The following SIK2 variants were observed in gnomAD, a reference collection of about 807,000 sequenced individuals.
The protein encoded by SIK2 is salt inducible kinase 2.
Under a neutral mutation model 103.2 loss-of-function variants are expected in SIK2, and 29 were observed. The observed-to-expected ratio is 0.28, with a 90% CI of 0.21 to 0.38. SIK2 has a LOEUF of 0.38. SIK2 is among the 10% of genes least tolerant of loss of function. SIK2 has a pLI of 1.00. For synonymous variants in SIK2, 412 were observed against 446.1 expected (o/e 0.92, Z 0.96); for missense variants, 879 against 1,171.0 (o/e 0.75, Z 3.64).
intron 3 of SIK2, among the ~76,000 whole-genome samples, chr11:111,621,499 A>G (rs1941885518): frequency 1.3e-5 from 2 of 149,830 alleles, no homozygotes; most frequent in South Asian, 2.1e-4. Context: ...TCATTCATCT[A>G]TCTATTGATA....
Position 111,720,999 on chromosome 11 carries a change from G to A in SIK2, c.1881G>A (p.Glu627=), listed in dbSNP as rs1943783338. The part of the protein sequence containing the change: ...VQLLYEQIGP[E]ADPNLAPAAP... ...TGTTGTATGAACAAATAGGACCGGAGGCAGACCCTAACCTGGCGCCGGCGG... is the reference window on the plus strand; with the variant it reads ...TGTTGTATGAACAAATAGGACCGGAAGCAGACCCTAACCTGGCGCCGGCGG... The change falls in exon 12 of 15, where the codon GAG becomes GAA. Residue 627 remains glutamate (E), a synonymous_variant. Transcript: ENST00000304987. 2 of 1,614,080 alleles carry A rather than the reference G, an allele frequency of 1.2e-6. No individual in the cohort carries two copies. Among genetic ancestry groups the A allele is most frequent in the Non-Finnish European group, 1.7e-6 (2 of 1,180,036 alleles).
In SIK2 at chr11:111,612,948, T is replaced by A. The variant is rs10522123; in HGVS notation, c.136-3295T>A. On this transcript the variant is annotated intron_variant, in intron 1 of 14. Coordinates refer to ENST00000304987, the MANE Select transcript of SIK2 (RefSeq NM_015191.3). Reference sequence around the variant, plus strand: ...TATATATATATATATATATATATATTTATGATCATAGGATCATAGATGGAT... The same window carrying A: ...TATATATATATATATATATATATATATATGATCATAGGATCATAGATGGAT... Among the ~76,000 whole-genome samples the A allele has an allele frequency of 9.6e-3, 904 of 94,334 alleles. 12 individuals are homozygous for A. The highest frequency in any genetic ancestry group is 0.031 in the African/African-American group (649 of 20,604). The allele number at this position is 94,334 out of a possible 152,430, so 61.9% of individuals were successfully genotyped here. A position where few individuals can be genotyped will look rare whatever the true frequency, so the allele number is the denominator to read the frequency against.
At chr11:111,717,204 T>C (rs897780491) in intron 9 of SIK2, among the ~76,000 whole-genome samples, 5 of 150,824 alleles carry the variant, frequency 3.3e-5, no homozygotes, top group Admixed American at 3.3e-4. Context: ...TAGTCCCAGC[T>C]ACTCGGGAGG....
At chr11:111,697,090 G>A (rs1019114130) in intron 4 of SIK2, among the ~76,000 whole-genome samples, 2 of 152,174 alleles carry the variant, frequency 1.3e-5, no homozygotes, top group Admixed American at 1.3e-4. Context: ...CATAAAGGTG[G>A]TGGTTAACAA....
At chr11:111,626,547 A>C (rs2082612726) in intron 3 of SIK2, among the ~76,000 whole-genome samples, 1 of 152,022 alleles carries the variant, frequency 6.6e-6, no homozygotes, top group South Asian at 2.1e-4. Context: ...AACCACTGTT[A>C]ATGCCTCAGG....
Position 111,724,732 on chromosome 11 carries a change from T to TAAC in SIK2, c.*605_*607dup, listed in dbSNP as rs1047391053. On this transcript the variant is annotated 3_prime_UTR_variant, in exon 15 of 15. Coordinates refer to ENST00000304987, the MANE Select transcript of SIK2 (RefSeq NM_015191.3). Reference sequence around the variant, plus strand: ...GAGCTGTGTTTCAGGGGCCACTAAATAACAGCTGGTACTGACCCCAGAAAC... The same window carrying TAAC: ...GAGCTGTGTTTCAGGGGCCACTAAATAACAACAGCTGGTACTGACCCCAGAAAC... The TAAC allele has an allele frequency of 9.8e-5, 15 of 153,788 alleles. No homozygotes were observed. The highest frequency in any genetic ancestry group is 2.6e-4 in the Admixed American group (4 of 15,552). The allele number at this position is 153,788 out of a possible 1,614,324, so 9.5% of individuals were successfully genotyped here. A position where few individuals can be genotyped will look rare whatever the true frequency, so the allele number is the denominator to read the frequency against.
intron 3 of SIK2, chr11:111,672,187 A>G (rs1942636616): frequency 4.9e-6 from 2 of 408,618 alleles, no homozygotes; most frequent in South Asian, 2.2e-5. Context: ...GTTTACCATA[A>G]TGGCTGTGAT....
At chr11:111,697,309 A>G (rs1462720563) in intron 4 of SIK2, among the ~76,000 whole-genome samples, 1 of 152,238 alleles carries the variant, frequency 6.6e-6, no homozygotes, top group Non-Finnish European at 1.5e-5. Context: ...GGAACAACAT[A>G]TTCATCTAGC....
intron 3 of SIK2, among the ~76,000 whole-genome samples, chr11:111,649,627 A>G (rs1942302616): frequency 6.6e-6 from 1 of 152,134 alleles, no homozygotes; most frequent in Non-Finnish European, 1.5e-5. Flanking sequence ...ATGAACATTC[A>G]TTCATTTGTT....
chr11:111,656,375 A>G (rs1942392232), intron 3 of SIK2, among the ~76,000 whole-genome samples: 1 of 152,180 alleles, frequency 6.6e-6, no homozygotes, highest in African/African-American at 2.4e-5. Flanking sequence ...TCAATTTACC[A>G]AGAAGGTTCA....
In SIK2 at chr11:111,602,481, G is replaced by C; in HGVS notation, c.-83G>C. ...GAAGGAGCGAAGGAGCAAGCGGAGC[G>C]GCCGTCGCCCAAGCCAAGCCGCGCT... On this transcript the variant is annotated 5_prime_UTR_variant, in exon 1 of 15. Coordinates refer to ENST00000304987, the MANE Select transcript of SIK2 (RefSeq NM_015191.3). This position sits in a 1 kb window ranked among gnomAD's most constrained non-coding sequence, Gnocchi z 4.5. 5.9e-6 allele frequency: 8 copies of C among 1,347,700 alleles called. No homozygotes were observed. Among genetic ancestry groups the C allele is most frequent in the Non-Finnish European group, 7.7e-6 (8 of 1,042,398 alleles). The allele number at this position is 1,347,700 out of a possible 1,614,324, so 83.5% of individuals were successfully genotyped here. A position where few individuals can be genotyped will look rare whatever the true frequency, so the allele number is the denominator to read the frequency against.
intron 1 of SIK2, 90 bp from the exon 2 acceptor site, chr11:111,616,153 G>T: frequency 1.3e-6 from 1 of 789,024 alleles, no homozygotes. Context: ...ACCTACAGGT[G>T]AAGTCTCATG....
At chr11:111,609,688 A>G (rs1941694353) in intron 1 of SIK2, among the ~76,000 whole-genome samples, 1 of 152,190 alleles carries the variant, frequency 6.6e-6, no homozygotes, top group Admixed American at 6.5e-5. Flanking sequence ...ACATTGGAAA[A>G]AAGTCTCCTT....
At chr11:111,660,852 T>G (rs1942458022) in intron 3 of SIK2, among the ~76,000 whole-genome samples, 1 of 148,768 alleles carries the variant, frequency 6.7e-6, no homozygotes. Flanking sequence ...TTTTTTTTTT[T>G]TTTTTTTTTT....
intron 4 of SIK2, among the ~76,000 whole-genome samples, chr11:111,699,772 C>A (rs997711476): frequency 6.6e-6 from 1 of 152,202 alleles, no homozygotes; most frequent in Non-Finnish European, 1.5e-5. Context: ...TTTACAGCAA[C>A]CTGCTGACTA....
chr11:111,727,400 A>C lies in SIK2; in HGVS notation c.*3271A>C. The C allele has an allele frequency of 6.5e-6, 2 of 305,634 alleles. No individual in the cohort carries two copies. Among genetic ancestry groups the C allele is most frequent in the Non-Finnish European group, 1.2e-5 (2 of 161,930 alleles). The allele number at this position is 305,634 out of a possible 1,614,324, so 18.9% of individuals were successfully genotyped here. A position where few individuals can be genotyped will look rare whatever the true frequency, so the allele number is the denominator to read the frequency against. On this transcript the variant is annotated 3_prime_UTR_variant, in exon 15 of 15. Coordinates refer to ENST00000304987, the MANE Select transcript of SIK2 (RefSeq NM_015191.3). ...AAGAACTCCCAAGTGTTTAAACCGT[A>C]TGCTGGAGTCAGTGGTTGGGACAGA...
chr11:111,679,689 G>A (rs1942752053), intron 3 of SIK2, among the ~76,000 whole-genome samples: 1 of 152,080 alleles, frequency 6.6e-6, no homozygotes, highest in African/African-American at 2.4e-5. Context: ...CACATGTCGG[G>A]TGGTACATAT....
chr11:111,687,603 T>TTA (rs1555032879), intron 3 of SIK2, among the ~76,000 whole-genome samples: 2 of 137,012 alleles, frequency 1.5e-5, no homozygotes, highest in African/African-American at 5.5e-5. Flanking sequence ...TTGTTTTTTT[T>TTA]AAAAAAAAAA....
intron 3 of SIK2, among the ~76,000 whole-genome samples, chr11:111,662,168 G>C (rs1477140803): frequency 6.6e-6 from 1 of 152,184 alleles, no homozygotes; most frequent in African/African-American, 2.4e-5. Context: ...GATGATTGGA[G>C]ACAGAAGAGA....
Sources: gnomAD v4.1 joint callset for allele counts (sites outside exome capture counted in the v4.1 genomes callset) on GRCh38, gnomAD v4.1.1 for gene constraint, Gnocchi (gnomAD v3.1) non-coding constraint, MANE v1.5 for transcripts, NCBI Gene and HGNC (gene_info 2026-07-23, HGNC 2026-07-21) for gene names.